The following GPHN variants were observed in gnomAD, a reference collection of about 807,000 sequenced individuals.
GPHN encodes the protein gephyrin.
Under a neutral mutation model 95.5 loss-of-function variants are expected in GPHN, and 17 were observed. The observed-to-expected ratio is 0.18, with a 90% CI of 0.12 to 0.27. The LOEUF (loss-of-function observed/expected upper bound fraction) is 0.27. GPHN is among the 10% of genes least tolerant of loss of function. The pLI is 1.00. For missense variants in GPHN, 660 were observed against 978.1 expected, an observed-to-expected ratio of 0.67 and a Z score of 4.34; for synonymous variants, 320 against 322.5, an observed-to-expected ratio of 0.99 and a Z score of 0.08.
chr14:66,865,420 T>C (rs1266417870), intron 4 of GPHN, among the ~76,000 whole-genome samples: 2 of 152,060 alleles, frequency 1.3e-5, no homozygotes, highest in Non-Finnish European at 2.9e-5. Context: ...TTTTTTAAAC[T>C]AAATTATTCA....
chr14:66,697,688 TTCTTTTC>T lies in GPHN; in HGVS notation c.143+16505_143+16511del, dbSNP rs1381244994. Among the ~76,000 whole-genome samples the T allele has an allele frequency of 4.3e-3, 336 of 78,562 alleles. 3 individuals carry two copies. The highest frequency in any genetic ancestry group is 0.04 in the African/African-American group (251 of 6,224). The allele number at this position is 78,562 out of a possible 152,430, so 51.5% of individuals were successfully genotyped here. Reference sequence around the variant, plus strand: ...CTTTTTTTTTTTTCTTTTTTCTTTTTTCTTTTCTTTTTTTTTTGAGATGAGGTCTACC... The same window carrying T: ...CTTTTTTTTTTTTCTTTTTTCTTTTTTTTTTTTTTTGAGATGAGGTCTACC... On this transcript the variant is annotated intron_variant, in intron 2 of 22. Coordinates refer to ENST00000478722, the MANE Select transcript of GPHN (RefSeq NM_020806.5).
intron 1 of GPHN, among the ~76,000 whole-genome samples, chr14:66,656,844 C>T (rs2065334931): frequency 6.6e-6 from 1 of 152,098 alleles, no homozygotes; most frequent in South Asian, 2.1e-4. Context: ...TTTTCTTATT[C>T]ACTGAGACAC....
chr14:66,916,502 G>GTTTTTTTTTTTTTT (rs755169347), intron 6 of GPHN, among the ~76,000 whole-genome samples: 1 of 128,326 alleles, frequency 7.8e-6, no homozygotes. Flanking sequence ...TTTTGGTTTG[G>GTTTTTTTTTTTTTT]TTTTTTTTTT....
At chr14:67,280,651 C>T in the GPHN span, among the ~76,000 whole-genome samples, 6 of 152,246 alleles carry the variant, frequency 3.9e-5, no homozygotes, top group African/African-American at 9.6e-5. Context: ...GAATGGAAAC[C>T]GGTATCCAGC....
chr14:66,689,091 A>G (rs183346646), intron 2 of GPHN, among the ~76,000 whole-genome samples: 50 of 152,322 alleles, frequency 3.3e-4, no homozygotes, highest in Non-Finnish European at 5.9e-4. Flanking sequence ...AGAAAGTGGT[A>G]AAAGTGAGCA....
chr14:67,203,923 G>T, the GPHN span, among the ~76,000 whole-genome samples: 1 of 152,290 alleles, frequency 6.6e-6, no homozygotes, highest in South Asian at 2.1e-4. Context: ...TATTGGTCAG[G>T]CTGGTATTGA....
chr14:67,572,805 T>C, the GPHN span, among the ~76,000 whole-genome samples: 12,635 of 152,164 alleles, frequency 0.083, 628 homozygotes, highest in Middle Eastern at 0.12. Flanking sequence ...TGCCCCATCA[T>C]CTCCCTGGCT....
intron 10 of GPHN, among the ~76,000 whole-genome samples, chr14:67,033,967 A>C (rs1013336756): frequency 6.6e-6 from 1 of 152,214 alleles, no homozygotes; most frequent in Non-Finnish European, 1.5e-5. Flanking sequence ...TACTGCATCC[A>C]GCAAAACTGT....
At chr14:66,532,938 T>C (rs1389639783) in intron 1 of GPHN, among the ~76,000 whole-genome samples, 1 of 152,204 alleles carries the variant, frequency 6.6e-6, no homozygotes, top group African/African-American at 2.4e-5. Context: ...ATGCTGATTG[T>C]CCTAGATCAG....
intron 2 of GPHN, among the ~76,000 whole-genome samples, chr14:66,754,219 ACT>A (rs1472595800): frequency 6.6e-6 from 1 of 152,076 alleles, no homozygotes; most frequent in African/African-American, 2.4e-5. Flanking sequence ...TTAGATAAGT[ACT>A]TAGTTGTAGT....
At chr14:66,761,953 C>T (rs2319498) in intron 2 of GPHN, among the ~76,000 whole-genome samples, 49,657 of 151,962 alleles carry the variant, frequency 0.33, 11,879 homozygotes, top group African/African-American at 0.65. Context: ...TTTTAACTTG[C>T]GATTCCTGGT....
the GPHN span, among the ~76,000 whole-genome samples, chr14:67,660,472 C>G: frequency 6.6e-6 from 1 of 152,194 alleles, no homozygotes; most frequent in Non-Finnish European, 1.5e-5. Flanking sequence ...TCTCAGCTCT[C>G]TTCAATATAC....
chr14:66,534,724 T>G (rs2059073511), intron 1 of GPHN, among the ~76,000 whole-genome samples: 2 of 152,184 alleles, frequency 1.3e-5, no homozygotes. Context: ...GTCAGTCTTT[T>G]TAATTTCAGT....
chr14:67,317,298 G>C, the GPHN span: 1 of 988,462 alleles, frequency 1.0e-6, no homozygotes, highest in South Asian at 1.8e-5. Context: ...TCTCGTTTCT[G>C]CAAAAAAATT....
At chr14:66,847,594 C>G (rs1422460788) in intron 4 of GPHN, among the ~76,000 whole-genome samples, 1 of 151,964 alleles carries the variant, frequency 6.6e-6, no homozygotes, top group African/African-American at 2.4e-5. Context: ...AGAAAATTCT[C>G]TAAATTAGGC....
the GPHN span, among the ~76,000 whole-genome samples, chr14:67,558,768 C>T: frequency 6.6e-6 from 1 of 152,236 alleles, no homozygotes; most frequent in Non-Finnish European, 1.5e-5. Flanking sequence ...CAAACCAGGT[C>T]AGGGTTGGCC....
chr14:66,838,958 T>C (rs937298641), intron 4 of GPHN, among the ~76,000 whole-genome samples: 13 of 152,212 alleles, frequency 8.5e-5, no homozygotes, highest in Non-Finnish European at 2.9e-5. Context: ...AGAAAGTAGA[T>C]TGAGGCAACA....
At chr14:66,530,256 A>G (rs758538750) in intron 1 of GPHN, among the ~76,000 whole-genome samples, 1 of 152,008 alleles carries the variant, frequency 6.6e-6, no homozygotes, top group Non-Finnish European at 1.5e-5. Context: ...TGAGGGGAAA[A>G]CTGCCTACTC....
the GPHN span, among the ~76,000 whole-genome samples, chr14:67,719,802 G>T: frequency 6.6e-6 from 1 of 152,062 alleles, no homozygotes; most frequent in African/African-American, 2.4e-5. Context: ...ATTTACTTAA[G>T]TTTTTTATTT....
Sources: gnomAD v4.1 joint callset for allele counts (sites outside exome capture counted in the v4.1 genomes callset) on GRCh38, gnomAD v4.1.1 for gene constraint, MANE v1.5 for transcripts, NCBI Gene and HGNC (gene_info 2026-07-23, HGNC 2026-07-21) for gene names.